Variants in FAM153A observed in about 807,000 individuals in gnomAD.
FAM153A encodes family with sequence similarity 153 member A, also known as protein FAM153A.
In FAM153A, 12 loss-of-function variants were observed where a neutral mutation model predicts 48.1. The ratio of observed to expected loss-of-function variants is 0.25; its 90% CI spans 0.16 to 0.40. The LOEUF is 0.40. FAM153A is among the 10% of genes least tolerant of loss of function. The pLI, the probability that FAM153A is intolerant of heterozygous loss-of-function variation, is 1.00. For synonymous variants in FAM153A, 36 were observed against 118.2 expected, an observed-to-expected ratio of 0.30 and a Z score of 4.51; for missense variants, 111 against 345.8, an observed-to-expected ratio of 0.32 and a Z score of 5.38.
Position 177,739,207 on chromosome 5 carries a change from ACTTGGTG to A in FAM153A, c.538-77_538-71del, listed in dbSNP as rs200025459. ...GTCTCTGTGCACAGGTCTTTTCTAAACTTGGTGCTATTAGAAAACCAGATGGGAAATT... is the reference window on the plus strand; with the variant it reads ...GTCTCTGTGCACAGGTCTTTTCTAAACTATTAGAAAACCAGATGGGAAATT... On this transcript the variant is annotated intron_variant, in intron 9 of 20. Coordinates refer to ENST00000614127, the Ensembl canonical transcript of FAM153A. The A allele has an allele frequency of 1.9e-3, 2,920 of 1,520,884 alleles. 108 individuals are homozygous for A. The African/African-American group carries it at 0.037, about 19-fold the overall frequency. The allele number at this position is 1,520,884 out of a possible 1,614,324, so 94.2% of individuals were successfully genotyped here. A position where few individuals can be genotyped will look rare whatever the true frequency, so the allele number is the denominator to read the frequency against.
intron 2 of FAM153A, chr5:177,750,480 G>A (rs2127687968): frequency 4.6e-6 from 1 of 217,368 alleles, no homozygotes; most frequent in Admixed American, 5.3e-5. Flanking sequence ...ATTGTTACGA[G>A]CGTTATCACA....
intron 24 of FAM153A, among the ~76,000 whole-genome samples, chr5:177,716,783 A>G (rs1057080701): frequency 6.6e-6 from 1 of 151,930 alleles, no homozygotes; most frequent in Non-Finnish European, 1.5e-5. Context: ...AAAAATCAAG[A>G]GGACTAATAG....
exon 27 of FAM153A, chr5:177,711,320 T>C (rs1758441006): frequency 6.6e-6 from 1 of 151,886 alleles, no homozygotes; most frequent in Non-Finnish European, 1.5e-5. Flanking sequence ...TGAAGCAACC[T>C]CTTCCAAGTT....
the FAM153A span, among the ~76,000 whole-genome samples, chr5:177,702,800 A>G: frequency 5.2e-3 from 793 of 151,958 alleles, 8 homozygotes; most frequent in Middle Eastern, 0.01. Flanking sequence ...GGTGGCTTCC[A>G]TGTGGTAATA....
intron 2 of FAM153A, among the ~76,000 whole-genome samples, chr5:177,748,927 C>T (rs1440320649): frequency 4.9e-5 from 7 of 143,434 alleles, no homozygotes; most frequent in Non-Finnish European, 7.6e-5. Flanking sequence ...CACACCACTG[C>T]GAAAAAGGCA....
At chr5:177,734,720 G>T in intron 13 of FAM153A, 143 bp downstream of exon 15, 1 of 1,318,700 alleles carries the variant, frequency 7.6e-7, no homozygotes, top group South Asian at 1.4e-5. Flanking sequence ...CCTCAGTGGG[G>T]ACAGACTCTC....
chr5:177,778,266 A>T (rs1218193663), intron 1 of FAM153A, among the ~76,000 whole-genome samples: 1 of 80,818 alleles, frequency 1.2e-5, no homozygotes, highest in Non-Finnish European at 2.4e-5. Context: ...TATAATAAAA[A>T]AAAAAAAAAA....
chr5:177,698,320 G>C, the FAM153A span, among the ~76,000 whole-genome samples: 2 of 151,928 alleles, frequency 1.3e-5, no homozygotes, highest in Non-Finnish European at 2.9e-5. Flanking sequence ...TGTGCAAACA[G>C]TATAGTTTTC....
chr5:177,743,478 A>G (rs1308615827), intron 6 of FAM153A, among the ~76,000 whole-genome samples: 1 of 113,420 alleles, frequency 8.8e-6, no homozygotes, highest in Non-Finnish European at 1.8e-5. Flanking sequence ...CTGAAACTCT[A>G]TATGACCCTG....
downstream of FAM153A, among the ~76,000 whole-genome samples, chr5:177,719,456 A>G (rs1374027493): frequency 6.6e-6 from 1 of 150,904 alleles, no homozygotes; most frequent in Non-Finnish European, 1.5e-5. Context: ...AGAGAGAAAG[A>G]GAGAAAAAGG....
At chr5:177,710,300 C>T (rs376788557), downstream of FAM153A, among the ~76,000 whole-genome samples, 27 of 151,348 alleles carry the variant, frequency 1.8e-4, no homozygotes, top group East Asian at 4.1e-3. Context: ...TTAGTAGAGA[C>T]GGAGTTTCAC....
rs146300120 is a variant in FAM153A, at chr5:177,761,039, T to A, written c.-56-12340A>T. Among the ~76,000 whole-genome samples, 692 of 151,818 alleles carry A rather than the reference T, an allele frequency of 4.6e-3. 5 individuals carry two copies. Among genetic ancestry groups the A allele is most frequent in the Middle Eastern group, 0.021 (6 of 292 alleles). On this transcript the variant is annotated intron_variant, in intron 1 of 8. Coordinates refer to the FAM153A transcript ENST00000393518. ...GTCTGGGGACTGCAGAGAAGTCTTA[T>A]GAAGCGGGACTGAATCCACAGCAGG...
At chr5:177,714,219 TAAC>T (rs1759122549) in intron 25 of FAM153A, 1 of 150,642 alleles carries the variant, frequency 6.6e-6, no homozygotes, top group African/African-American at 2.5e-5. Context: ...AGCAATATAT[TAAC>T]AAATAGCACA....
chr5:177,729,662 A>G, intron 16 of FAM153A, 107 bp from the exon 19 acceptor site: 2 of 1,580,206 alleles, frequency 1.3e-6, no homozygotes, highest in Non-Finnish European at 1.7e-6. Flanking sequence ...GTGTGTTCAC[A>G]GCACAGACTC....
rs13358518 is a variant in FAM153A, at chr5:177,769,261, C to T, written c.-57+11188G>A. Among the ~76,000 whole-genome samples, 19 of 91,972 alleles carry T rather than the reference C, an allele frequency of 2.1e-4. 3 individuals are homozygous for T. Among genetic ancestry groups the T allele is most frequent in the East Asian group, 6.5e-4 (2 of 3,074 alleles). 60.3% of individuals were successfully genotyped at this position (91,972 alleles called of 152,430 possible). The stretch of plus-strand genomic sequence containing the variant: ...AAAAAAAAAAAAAAAGGGTGAGAAC[C>T]GTGCAATATATTTCAAGAGACCACA... On this transcript the variant is annotated intron_variant, in intron 1 of 8. Transcript: ENST00000393518.
rs796783635 is a variant in FAM153A at position 177,765,325 on chromosome 5, G to A, written c.-57+15124C>T. Among the ~76,000 whole-genome samples the A allele has an allele frequency of 7.0e-3, 723 of 103,534 alleles. 51 individuals are homozygous for A. The highest frequency in any genetic ancestry group is 0.015 in the Middle Eastern group (3 of 202). 67.9% of individuals were successfully genotyped at this position (103,534 alleles called of 152,430 possible). A position where few individuals can be genotyped will look rare whatever the true frequency, so the allele number is the denominator to read the frequency against. ...TGGCCTGGGACCATGTGAATTGCTC[G>A]GAACACCTGGATTAAGTCCAGTGAG... On this transcript the variant is annotated intron_variant, in intron 1 of 8. Transcript: ENST00000393518.
At chr5:177,695,758 TGGTCGCTGTCTCTTCGGGGCTGTTG>T in the FAM153A span, among the ~76,000 whole-genome samples, 1 of 151,854 alleles carries the variant, frequency 6.6e-6, no homozygotes. Context: ...CTGTTCTTGA[TGGTCGCTGTCTCTTCGGGGCTGTTG>T]GGTACACCTC....
At chr5:177,749,343 A>G (rs1169802584) in intron 2 of FAM153A, among the ~76,000 whole-genome samples, 3 of 142,948 alleles carry the variant, frequency 2.1e-5, no homozygotes, top group African/African-American at 7.9e-5. Context: ...TCAATGTAAT[A>G]GAAATAATAA....
downstream of FAM153A, among the ~76,000 whole-genome samples, chr5:177,709,510 C>T (rs1314814835): frequency 1.1e-4 from 17 of 150,046 alleles, no homozygotes; most frequent in South Asian, 2.1e-4. Context: ...TACAGGCGCC[C>T]GCCACTACAC....
Sources: allele counts gnomAD v4.1 joint callset (sites outside exome capture counted in the v4.1 genomes callset), GRCh38; gene constraint gnomAD v4.1.1; transcripts MANE v1.5; gene names NCBI Gene and HGNC (gene_info 2026-07-23, HGNC 2026-07-21).